Variants in CEP350 observed in about 807,000 individuals in gnomAD.
CEP350 encodes centrosome-associated protein 350.
In CEP350, 126 loss-of-function variants were observed where a neutral mutation model predicts 331.8. That is an observed-to-expected ratio of 0.38 (90% CI 0.33 to 0.44). The LOEUF (loss-of-function observed/expected upper bound fraction) is 0.44. Ranked by LOEUF, CEP350 falls within the 20% of genes least tolerant of loss-of-function variation. The pLI is 1.00. For missense variants in CEP350, 3,406 were observed against 3,634.6 expected, an observed-to-expected ratio of 0.94 and a Z score of 1.62; for synonymous variants, 1,200 against 1,259.5, an observed-to-expected ratio of 0.95 and a Z score of 1.00.
At chr1:180,030,923 T>C (rs1655984266) in intron 14 of CEP350, among the ~76,000 whole-genome samples, 1 of 152,108 alleles carries the variant, frequency 6.6e-6, no homozygotes, top group African/African-American at 2.4e-5. Flanking sequence ...CCATAGACTT[T>C]TTCAAAAGAA....
chr1:180,007,747 T>C (rs1412657154), intron 8 of CEP350, among the ~76,000 whole-genome samples: 1 of 152,078 alleles, frequency 6.6e-6, no homozygotes, highest in Non-Finnish European at 1.5e-5. Flanking sequence ...GGTCTTACGT[T>C]TAAGTCTTTA....
chr1:180,005,874 C>T (rs1263971786), intron 7 of CEP350, among the ~76,000 whole-genome samples: 2 of 152,142 alleles, frequency 1.3e-5, no homozygotes, highest in Non-Finnish European at 2.9e-5. Flanking sequence ...CAGAACTCTA[C>T]ACATATTTTA....
intron 17 of CEP350, among the ~76,000 whole-genome samples, chr1:180,037,415 T>G (rs1414798512): frequency 2.0e-5 from 3 of 151,590 alleles, no homozygotes; most frequent in Non-Finnish European, 2.9e-5. Context: ...CTGAGGGTTT[T>G]TTTTTTTTTT....
intron 37 of CEP350, among the ~76,000 whole-genome samples, chr1:180,107,609 A>G (rs1424743518): frequency 1.3e-5 from 2 of 152,228 alleles, no homozygotes; most frequent in African/African-American, 2.4e-5. Context: ...TGGAGGTTGC[A>G]GTGAGCCGAG....
intron 1 of CEP350, among the ~76,000 whole-genome samples, chr1:179,957,994 A>G (rs1650302341): frequency 6.6e-6 from 1 of 152,220 alleles, no homozygotes; most frequent in Non-Finnish European, 1.5e-5. Context: ...AGAAGGTTGT[A>G]TAGGGGCGAT....
chr1:180,007,810 C>T (rs1267135921), intron 8 of CEP350, among the ~76,000 whole-genome samples: 1 of 147,974 alleles, frequency 6.8e-6, no homozygotes, highest in African/African-American at 2.5e-5. Context: ...TTGTTTGGCA[C>T]ATATAAAAAA....
In CEP350 at chr1:180,093,982, C is replaced by T. The variant is rs1660337847; in HGVS notation, c.7877C>T (p.Ser2626Leu). ...SLPSVNDIEA[S>L]VNRSRSLKIE... ...CCTAGTGTGAATGATATAGAAGCCTCAGTTAATAGAAGTAGAAGCCTTAAA... is the reference window on the plus strand; with the variant it reads ...CCTAGTGTGAATGATATAGAAGCCTTAGTTAATAGAAGTAGAAGCCTTAAA... Residue 2626 changes from serine to leucine, a missense_variant, in exon 34 of 38, where the codon TCA becomes TTA. By Grantham distance (145) the Ser-to-Leu change is moderately radical. This residue lies in a region of CEP350 where 1,415 missense variants were observed against 1,512.3 expected (regional missense o/e 0.94). Coordinates refer to ENST00000367607, the MANE Select transcript of CEP350 (RefSeq NM_014810.5). The T allele has an allele frequency of 1.9e-6, 3 of 1,613,784 alleles. No individual in the cohort carries two copies. Among genetic ancestry groups the T allele is most frequent in the Non-Finnish European group, 2.5e-6 (3 of 1,179,824 alleles).
intron 2 of CEP350, 36 bp from the exon 3 acceptor site, chr1:179,987,196 AGATTCTGG>A (rs1652698884): frequency 9.5e-7 from 1 of 1,053,496 alleles, no homozygotes; most frequent in East Asian, 2.7e-5. Flanking sequence ...TCTAATTCAG[AGATTCTGG>A]TTGATTGATA....
At chr1:179,971,014 T>A (rs1045559942) in intron 1 of CEP350, among the ~76,000 whole-genome samples, 2 of 151,332 alleles carry the variant, frequency 1.3e-5, no homozygotes, top group African/African-American at 4.9e-5. Flanking sequence ...AAATAATAAC[T>A]TTTTGTTGTT....
intron 23 of CEP350, 67 bp downstream of exon 23, chr1:180,053,233 A>G: frequency 2.7e-6 from 2 of 749,232 alleles, no homozygotes; most frequent in Non-Finnish European, 4.0e-6. Context: ...ATGAGAAAAC[A>G]TTTTGTACTT....
chr1:179,998,310 T>TC (rs1553253309), intron 6 of CEP350, among the ~76,000 whole-genome samples: 24 of 123,390 alleles, frequency 1.9e-4, no homozygotes, highest in Non-Finnish European at 3.3e-4. Context: ...TTTCTTTTTT[T>TC]TTTTTTTTTT....
rs1432949700 is a variant in CEP350 at position 180,105,496 on chromosome 1, A to G, written c.9190-5501A>G. Among the ~76,000 whole-genome samples the G allele has an allele frequency of 2.6e-5, 4 of 152,114 alleles. 1 individual carries two copies. Among genetic ancestry groups the G allele is most frequent in the South Asian group, 4.1e-4 (2 of 4,834 alleles). On this transcript the variant is annotated intron_variant, in intron 37 of 37. Coordinates refer to ENST00000367607, the MANE Select transcript of CEP350 (RefSeq NM_014810.5). ...AGACATCTCAAATTTCACATGTTCA[A>G]AACAACTTCTGAGAATTATGTTAGC...
At chr1:180,048,758 A>T in intron 22 of CEP350, 53 bp downstream of exon 22, 1 of 1,411,512 alleles carries the variant, frequency 7.1e-7, no homozygotes, top group Non-Finnish European at 9.8e-7. Context: ...ACCAGAGGAA[A>T]GGTGATCCTT....
At chr1:179,962,484 A>G (rs1258228334) in intron 1 of CEP350, among the ~76,000 whole-genome samples, 1 of 152,130 alleles carries the variant, frequency 6.6e-6, no homozygotes, top group African/African-American at 2.4e-5. Context: ...ATCTTGGCTC[A>G]CTGCAACTTC....
At chr1:180,046,733 CTTG>C (rs1200966122) in intron 21 of CEP350, among the ~76,000 whole-genome samples, 7 of 152,154 alleles carry the variant, frequency 4.6e-5, no homozygotes, top group Admixed American at 2.0e-4. Context: ...CTCACCAATG[CTTG>C]TTGTTTTTTT....
chr1:180,030,152 T>G lies in CEP350; in HGVS notation c.3551-1168T>G, dbSNP rs957400595. On this transcript the variant is annotated intron_variant, in intron 14 of 37. Transcript: ENST00000367607. ...GTATAAAGGGTATTTTTTATTTCAC[T>G]TTTGTATTTTCTTTTGCTCTTTAAC... is the stretch of plus-strand genomic sequence containing the variant. Among the ~76,000 whole-genome samples, 44 of 150,850 alleles carry G rather than the reference T, an allele frequency of 2.9e-4. 1 individual carries two copies. Among genetic ancestry groups the G allele is most frequent in the Middle Eastern group, 3.5e-3 (1 of 284 alleles).
chr1:179,985,928 A>G (rs1472417926), intron 1 of CEP350, among the ~76,000 whole-genome samples: 7 of 152,112 alleles, frequency 4.6e-5, no homozygotes, highest in Admixed American at 2.0e-4. Flanking sequence ...TACTTTTTTT[A>G]GGAACTGCCA....
intron 34 of CEP350, 60 bp downstream of exon 34, chr1:180,094,676 T>TATAG (rs1660378962): frequency 6.6e-7 from 1 of 1,517,012 alleles, no homozygotes; most frequent in Non-Finnish European, 8.9e-7. Flanking sequence ...ACAAGGCAAC[T>TATAG]TACCTTGCCT....
intron 1 of CEP350, among the ~76,000 whole-genome samples, chr1:179,955,549 G>T (rs1650111581): frequency 6.6e-6 from 1 of 152,176 alleles, no homozygotes; most frequent in Admixed American, 6.5e-5. Flanking sequence ...TTTCAGTGGG[G>T]ATCACATTCT....
Sources: allele counts gnomAD v4.1 joint callset (sites outside exome capture counted in the v4.1 genomes callset), GRCh38; gene constraint gnomAD v4.1.1; regional missense constraint gnomAD v4.1.1; transcripts MANE v1.5; gene names NCBI Gene and HGNC (gene_info 2026-07-23, HGNC 2026-07-21).